SMURF2: variants seen among roughly 807,000 people sequenced by gnomAD.
SMURF2 encodes SMAD specific E3 ubiquitin protein ligase 2, also known as E3 ubiquitin-protein ligase SMURF2.
A neutral mutation model predicts 109.6 loss-of-function variants in SMURF2; 48 were observed. The observed-to-expected ratio is 0.44, with a 90% CI of 0.35 to 0.56. The LOEUF (loss-of-function observed/expected upper bound fraction) is 0.56, where lower values mean the gene tolerates loss of function less well. Ranked by LOEUF, SMURF2 falls within the 20% of genes least tolerant of loss-of-function variation. The probability of loss-of-function intolerance (pLI) is 0.01; values close to 1 mark genes in which losing one functional copy is unlikely to be tolerated. For synonymous variants in SMURF2, 288 were observed against 317.1 expected (o/e 0.91, Z 0.97); for missense variants, 575 against 909.0 (o/e 0.63, Z 4.72).
Position 64,543,618 on chromosome 17 carries a change from A to T in SMURF2, c.*2230T>A, listed in dbSNP as rs565155757. 7 of 152,336 alleles carry T rather than the reference A, an allele frequency of 4.6e-5. No individual in the cohort carries two copies. The highest frequency in any genetic ancestry group is 1.0e-4 in the Non-Finnish European group (7 of 68,036). 9.4% of individuals were successfully genotyped at this position (152,336 alleles called of 1,614,324 possible). On this transcript the variant is annotated 3_prime_UTR_variant, in exon 19 of 19. Transcript: ENST00000262435. Reference sequence around the variant, plus strand: ...TCTATTAAGTCATTAGTATAAAGTTAAAAAGGCACTCAAAAAGCAATGGTA... The same window carrying T: ...TCTATTAAGTCATTAGTATAAAGTTTAAAAGGCACTCAAAAAGCAATGGTA...
intron 3 of SMURF2, 101 bp downstream of exon 3, chr17:64,598,271 GACCAAATTAT>G (rs1478273232): frequency 3.2e-6 from 3 of 942,042 alleles, no homozygotes; most frequent in Non-Finnish European, 4.5e-6. Flanking sequence ...CTTTTGTGAT[GACCAAATTAT>G]ACCACAGATG....
intron 1 of SMURF2, among the ~76,000 whole-genome samples, chr17:64,655,965 T>G (rs552152745): frequency 5.7e-4 from 87 of 152,124 alleles, no homozygotes; most frequent in Non-Finnish European, 1.1e-3. Flanking sequence ...AGTATGGCAC[T>G]GAACAAGAGC....
At chr17:64,565,612 G>GAA (rs576121373) in intron 10 of SMURF2, among the ~76,000 whole-genome samples, 6 of 144,826 alleles carry the variant, frequency 4.1e-5, no homozygotes, top group African/African-American at 1.5e-4. Context: ...AACATGAAGG[G>GAA]AAAAAAAAAA....
At position 64,653,129 on chromosome 17, in the gene SMURF2, C is replaced by T. The variant is rs377695129; in HGVS notation, c.52+8700G>A. Reference sequence around the variant, plus strand: ...GGGGGGCGGTGGGGGAGCTACAGTCCGGGAGAAAATATTTGCAAAGTATAT... The same window carrying T: ...GGGGGGCGGTGGGGGAGCTACAGTCTGGGAGAAAATATTTGCAAAGTATAT... On this transcript the variant is annotated intron_variant, in intron 1 of 18. Coordinates refer to ENST00000262435, the MANE Select transcript of SMURF2 (RefSeq NM_022739.4). Among the ~76,000 whole-genome samples, 143 of 151,698 alleles carry T rather than the reference C, an allele frequency of 9.4e-4. No homozygotes were observed. In the South Asian group the frequency reaches 0.017, roughly 18 times the overall value.
At chr17:64,561,715 G>T in intron 11 of SMURF2, 112 bp from the exon 12 acceptor site, 1 of 754,174 alleles carries the variant, frequency 1.3e-6, no homozygotes, top group Non-Finnish European at 2.1e-6. Flanking sequence ...GGTGAAATTT[G>T]GCCAGGTGCA....
At chr17:64,600,187 T>C (rs1310153441) in intron 2 of SMURF2, among the ~76,000 whole-genome samples, 2 of 151,964 alleles carry the variant, frequency 1.3e-5, no homozygotes, top group Non-Finnish European at 2.9e-5. Context: ...ATGAGGGAAG[T>C]CATGTGGAAA....
intron 15 of SMURF2, 141 bp downstream of exon 15, chr17:64,554,715 G>A (rs1969095227): frequency 1.4e-6 from 1 of 702,272 alleles, no homozygotes; most frequent in African/African-American, 1.8e-5. Context: ...ATAATAAAAT[G>A]TCTGTTCTAA....
At chr17:64,623,592 A>G (rs182179031) in intron 1 of SMURF2, among the ~76,000 whole-genome samples, 1 of 152,356 alleles carries the variant, frequency 6.6e-6, no homozygotes, top group East Asian at 1.9e-4. Flanking sequence ...AGTATTCCCC[A>G]GTAAAATTTC....
chr17:64,610,877 C>T (rs1555689515), intron 1 of SMURF2, among the ~76,000 whole-genome samples: 2 of 152,192 alleles, frequency 1.3e-5, no homozygotes, highest in African/African-American at 4.8e-5. Context: ...ACTGCTGCTA[C>T]AAAGCCCTGG....
intron 3 of SMURF2, among the ~76,000 whole-genome samples, chr17:64,595,353 A>T (rs9913177): frequency 0.053 from 8,089 of 152,314 alleles, 369 homozygotes; most frequent in African/African-American, 0.12. Flanking sequence ...ACCTTTTCTT[A>T]TACATAGAGA....
intron 15 of SMURF2, among the ~76,000 whole-genome samples, chr17:64,554,153 C>A (rs1969084672): frequency 6.6e-6 from 1 of 152,132 alleles, no homozygotes; most frequent in South Asian, 2.1e-4. Flanking sequence ...AGCACAAAAG[C>A]CCTTCTGAAT....
At chr17:64,638,086 A>G (rs797039317) in intron 1 of SMURF2, among the ~76,000 whole-genome samples, 8 of 109,912 alleles carry the variant, frequency 7.3e-5, no homozygotes, top group African/African-American at 3.2e-4. Flanking sequence ...TTTTTTTGAC[A>G]GAGTCTCACT....
At chr17:64,631,516 G>A (rs1970348981) in intron 1 of SMURF2, among the ~76,000 whole-genome samples, 1 of 151,938 alleles carries the variant, frequency 6.6e-6, no homozygotes, top group Middle Eastern at 3.2e-3. Context: ...TACTTAATAG[G>A]ACAAAGTTCC....
chr17:64,655,252 C>CATTTTTTTTTTTTT (rs1555693811), intron 1 of SMURF2, among the ~76,000 whole-genome samples: 2 of 85,906 alleles, frequency 2.3e-5, no homozygotes, highest in African/African-American at 1.1e-4. Context: ...AATGAAATGT[C>CATTTTTTTTTTTTT]TTTTTTTTTT....
chr17:64,578,614 G>C (rs1969532796), intron 8 of SMURF2, 38 bp from the exon 9 acceptor site: 1 of 1,398,578 alleles, frequency 7.2e-7, no homozygotes, highest in Non-Finnish European at 1.0e-6. Flanking sequence ...AAAACATTCA[G>C]AGTGTCCAGA....
At chr17:64,610,672 G>A (rs1555689480) in intron 1 of SMURF2, among the ~76,000 whole-genome samples, 1 of 152,172 alleles carries the variant, frequency 6.6e-6, no homozygotes, top group African/African-American at 2.4e-5. Context: ...GGGTTGATGG[G>A]TGCAACAAAC....
At chr17:64,617,741 T>C (rs1197123976) in intron 1 of SMURF2, among the ~76,000 whole-genome samples, 5 of 152,134 alleles carry the variant, frequency 3.3e-5, no homozygotes, top group African/African-American at 1.2e-4. Flanking sequence ...ACTGTTAGAA[T>C]TACAGGCATG....
At chr17:64,599,065 A>C (rs1484082632) in intron 2 of SMURF2, among the ~76,000 whole-genome samples, 3 of 152,212 alleles carry the variant, frequency 2.0e-5, no homozygotes, top group Non-Finnish European at 4.4e-5. Flanking sequence ...AACCAAAAAT[A>C]CCTGAGAATA....
intron 7 of SMURF2, among the ~76,000 whole-genome samples, chr17:64,582,841 C>A (rs574268874): frequency 1.3e-5 from 2 of 151,986 alleles, no homozygotes; most frequent in East Asian, 3.9e-4. Context: ...TCAAGTGATC[C>A]GCCCACCTTG....
Sources: allele counts gnomAD v4.1 joint callset (sites outside exome capture counted in the v4.1 genomes callset), GRCh38; gene constraint gnomAD v4.1.1; transcripts MANE v1.5; gene names NCBI Gene and HGNC (gene_info 2026-07-23, HGNC 2026-07-21).